EMG1: variants seen among roughly 807,000 people sequenced by gnomAD.
The protein encoded by EMG1 is ribosomal RNA small subunit methyltransferase NEP1.
Under a neutral mutation model 26.9 loss-of-function variants are expected in EMG1, and 24 were observed. That is an observed-to-expected ratio of 0.89 (90% confidence interval 0.65 to 1.26). EMG1 has a LOEUF of 1.26. EMG1 is among the 50% of genes most tolerant of loss of function. The pLI, the probability that EMG1 is intolerant of heterozygous loss-of-function variation, is 0.00. For synonymous variants in EMG1, 140 were observed against 112.6 expected, an observed-to-expected ratio of 1.24 and a Z score of -1.54; for missense variants, 299 against 307.6, an observed-to-expected ratio of 0.97 and a Z score of 0.21.
At chr12:6,985,310 G>A (rs1216000078) in intron 6 of EMG1, among the ~76,000 whole-genome samples, 1 of 149,796 alleles carries the variant, frequency 6.7e-6, no homozygotes, top group African/African-American at 2.5e-5. Context: ...GCAGGAGAAT[G>A]GCATGAACAC....
At chr12:6,981,041 C>T, downstream of EMG1, 1 of 1,610,082 alleles carries the variant, frequency 6.2e-7, no homozygotes, top group Non-Finnish European at 8.5e-7. Context: ...ATCAGCTCTC[C>T]CTGCACCAGC....
rs1946438459 is a variant in EMG1, at chr12:6,978,833, T to G, written c.*3024T>G. On this transcript the variant is annotated 3_prime_UTR_variant, in exon 6 of 6. Coordinates refer to ENST00000599672, the MANE Select transcript of EMG1 (RefSeq NM_006331.8). ...GATGCCCTCAATAGTCTGGCCTGAT[T>G]GCCTTCACAATAGGCAGAGAGGAAT... 3 of 1,167,288 alleles carry G rather than the reference T, an allele frequency of 2.6e-6. No homozygotes were observed. The highest frequency in any genetic ancestry group is 3.1e-5 in the African/African-American group (2 of 64,192). 72.3% of individuals were successfully genotyped at this position (1,167,288 alleles called of 1,614,324 possible). A position where few individuals can be genotyped will look rare whatever the true frequency, so the allele number is the denominator to read the frequency against.
Position 6,973,765 on chromosome 12 carries a change from A to G in EMG1, c.169-574A>G, listed in dbSNP as rs782006544. Among the ~76,000 whole-genome samples, 169 of 150,802 alleles carry G rather than the reference A, an allele frequency of 1.1e-3. 3 individuals are homozygous for G. In the South Asian group the frequency reaches 0.029, roughly 26 times the overall value. ...CACCGTGTTAGCCACGATGGTCTCA[A>G]TCTCCTGACCTTGTGATCTGCCCGC... On this transcript the variant is annotated intron_variant, in intron 1 of 5. Coordinates refer to ENST00000599672, the MANE Select transcript of EMG1 (RefSeq NM_006331.8).
chr12:6,972,846 G>C (rs781916831), intron 1 of EMG1, among the ~76,000 whole-genome samples: 10 of 151,714 alleles, frequency 6.6e-5, no homozygotes, highest in African/African-American at 2.4e-4. Flanking sequence ...TTTCTTTTTT[G>C]TTTCTTTTTT....
Position 6,979,215 on chromosome 12 carries a change from G to A in EMG1, c.*3406G>A, listed in dbSNP as rs1946443738. On this transcript the variant is annotated 3_prime_UTR_variant, in exon 6 of 6. Transcript: ENST00000599672. ...GGGTCACGTGGATGTGATAAGGCAA[G>A]CTAGGAGCGGCTCCTAGAGAAGGCA... The A allele has an allele frequency of 9.5e-6, 5 of 527,742 alleles. No homozygotes were observed. The highest frequency in any genetic ancestry group is 5.0e-4 in the Middle Eastern group (1 of 1,996). 32.7% of individuals were successfully genotyped at this position (527,742 alleles called of 1,614,324 possible).
In EMG1 at chr12:6,975,339, T is replaced by C. The variant is rs1555152979; in HGVS notation, c.582T>C (p.Asp194=). ...TGCGTGAGCTGGTGCCCAGCAGTGA[T>C]CCTATTGTTTTTGTGGTAGGGGCCT... The part of the protein sequence containing the change: ...SDVRELVPSS[D]PIVFVVGAFA... Residue 194 remains aspartate, a synonymous_variant, in exon 5 of 6, where the codon GAT becomes GAC. Coordinates refer to ENST00000599672, the MANE Select transcript of EMG1 (RefSeq NM_006331.8). 6.2e-7 allele frequency: 1 copy of C among 1,606,918 alleles called. No individual in the cohort carries two copies. Among genetic ancestry groups the C allele is most frequent in the Non-Finnish European group, 8.5e-7 (1 of 1,176,232 alleles).
chr12:6,977,505 C>T lies in EMG1; in HGVS notation c.*1696C>T, dbSNP rs1946420060. 1 of 1,614,054 alleles carries T rather than the reference C, an allele frequency of 6.2e-7. No homozygotes were observed. Among genetic ancestry groups the T allele is most frequent in the Non-Finnish European group, 8.5e-7 (1 of 1,180,040 alleles). On this transcript the variant is annotated 3_prime_UTR_variant, in exon 6 of 6. Coordinates refer to ENST00000599672, the MANE Select transcript of EMG1 (RefSeq NM_006331.8). This position sits in a 1 kb window ranked among gnomAD's most constrained non-coding sequence, Gnocchi z 4.5. Reference sequence around the variant, plus strand: ...CGGCCAGCTTGCTCAGGGTGGGGCTCTCTTGAATGAGCCTGGCAGCCTGGG... The same window carrying T: ...CGGCCAGCTTGCTCAGGGTGGGGCTTTCTTGAATGAGCCTGGCAGCCTGGG...
downstream of EMG1, among the ~76,000 whole-genome samples, chr12:6,991,563 A>G (rs185864705): frequency 3.3e-5 from 5 of 152,352 alleles, no homozygotes; most frequent in African/African-American, 1.2e-4. Flanking sequence ...AAAGTGGTCA[A>G]GCTCATGGGA....
chr12:6,987,312 G>C lies in EMG1; in HGVS notation c.*155-470G>C, dbSNP rs1264157804. ...TTCTGTTTATGAAGCACGTAATTGG[G>C]TAGGAGGTGGCATGTGATGGTTCGT... On this transcript the variant is annotated intron_variant and NMD_transcript_variant, in intron 6 of 7. Transcript: ENST00000261406. The surrounding 1 kb of genome is among the most constrained non-coding windows in gnomAD (Gnocchi z 4.1). 1.3e-5 allele frequency among the ~76,000 whole-genome samples: 2 copies of C among 152,158 alleles called. No homozygotes were observed. The highest frequency in any genetic ancestry group is 2.9e-5 in the Non-Finnish European group (2 of 68,036).
chr12:6,981,926 A>T (rs1365458879), downstream of EMG1: 1 of 1,231,330 alleles, frequency 8.1e-7, no homozygotes, highest in Non-Finnish European at 1.2e-6. Flanking sequence ...AGAAGTATTT[A>T]TTCTAGCATC....
At position 6,977,231 on chromosome 12, in the gene EMG1, A is replaced by G. The variant is rs921327898; in HGVS notation, c.*1422A>G. Reference sequence around the variant, plus strand: ...TATGAATAGTAGGCTCAGGAAGAAGATGTGGCCAAGGAAATAGATGGATTT... The same window carrying G: ...TATGAATAGTAGGCTCAGGAAGAAGGTGTGGCCAAGGAAATAGATGGATTT... On this transcript the variant is annotated 3_prime_UTR_variant, in exon 6 of 6. Coordinates refer to ENST00000599672, the MANE Select transcript of EMG1 (RefSeq NM_006331.8). This position sits in a 1 kb window ranked among gnomAD's most constrained non-coding sequence, Gnocchi z 4.5. The G allele has an allele frequency of 6.2e-7, 1 of 1,614,066 alleles. No individual in the cohort carries two copies. Among genetic ancestry groups the G allele is most frequent in the East Asian group, 2.2e-5 (1 of 44,888 alleles).
downstream of EMG1, among the ~76,000 whole-genome samples, chr12:6,992,337 CA>C (rs1319251469): frequency 1.3e-5 from 2 of 149,990 alleles, no homozygotes; most frequent in Admixed American, 6.7e-5. Context: ...AAAAAAAAAA[CA>C]AAAAAAATTT....
intron 1 of EMG1, among the ~76,000 whole-genome samples, chr12:6,971,462 G>T (rs1457937187): frequency 6.6e-6 from 1 of 152,036 alleles, no homozygotes; most frequent in Non-Finnish European, 1.5e-5. Flanking sequence ...TTTTAGTTCA[G>T]ATGGGGTTTC....
downstream of EMG1, among the ~76,000 whole-genome samples, chr12:6,984,450 C>G (rs1410231562): frequency 6.6e-6 from 1 of 152,246 alleles, no homozygotes; most frequent in Non-Finnish European, 1.5e-5. Flanking sequence ...CCATGCCTGG[C>G]AACATCCCCA....
Position 6,970,972 on chromosome 12 carries a change from G to A in EMG1, c.49G>A (p.Glu17Lys). ...CAAGCCTCGTGAACGAAGCGGTGGG[G>A]AGCAGGCACAGGACTGGGATGCTCT... ...GFKPRERSGGEQAQDWDALPP... is the reference protein window; with the variant it reads ...GFKPRERSGGKQAQDWDALPP... Residue 17 changes from glutamate (E) to lysine (K), a missense_variant, in exon 1 of 6, where the codon GAG (glutamate) becomes AAG (lysine). Coordinates refer to ENST00000599672, the MANE Select transcript of EMG1 (RefSeq NM_006331.8). 7 of 1,612,962 alleles carry A rather than the reference G, an allele frequency of 4.3e-6. No homozygotes were observed. Among genetic ancestry groups the A allele is most frequent in the South Asian group, 1.1e-5 (1 of 90,816 alleles).
chr12:6,979,787 G>A lies in EMG1; in HGVS notation c.*3978G>A, dbSNP rs1426887212. 8.6e-6 allele frequency: 5 copies of A among 581,074 alleles called. No homozygotes were observed. Among genetic ancestry groups the A allele is most frequent in the Non-Finnish European group, 1.5e-5 (5 of 325,156 alleles). 36.0% of individuals were successfully genotyped at this position (581,074 alleles called of 1,614,324 possible). On this transcript the variant is annotated 3_prime_UTR_variant, in exon 6 of 6. Transcript: ENST00000599672. Reference sequence around the variant, plus strand: ...AATGGGGACTGCAAACCTCTTAAGAGTTGTAGGAAAGTCAGGGCAGCAGAC... The same window carrying A: ...AATGGGGACTGCAAACCTCTTAAGAATTGTAGGAAAGTCAGGGCAGCAGAC...
At chr12:6,973,054 G>A (rs1348081227) in intron 1 of EMG1, among the ~76,000 whole-genome samples, 3 of 150,298 alleles carry the variant, frequency 2.0e-5, no homozygotes, top group Admixed American at 6.6e-5. Flanking sequence ...TGCCCAGGCC[G>A]GTCTCAAATT....
Position 6,978,654 on chromosome 12 carries a change from C to G in EMG1, c.*2845C>G, listed in dbSNP as rs1946436479. On this transcript the variant is annotated 3_prime_UTR_variant, in exon 6 of 6. Coordinates refer to ENST00000599672, the MANE Select transcript of EMG1 (RefSeq NM_006331.8). ...TGTACAGCACAAACTTGCCCCAGATCAGCATGTACATGCAGCGGAACCAGA... is the reference window on the plus strand; with the variant it reads ...TGTACAGCACAAACTTGCCCCAGATGAGCATGTACATGCAGCGGAACCAGA... 1 of 1,614,210 alleles carries G rather than the reference C, an allele frequency of 6.2e-7. No homozygotes were observed. Among genetic ancestry groups the G allele is most frequent in the Non-Finnish European group, 8.5e-7 (1 of 1,180,036 alleles).
At chr12:6,974,992 AG>A in intron 3 of EMG1, 97 bp from the exon 4 acceptor site, 1 of 1,220,634 alleles carries the variant, frequency 8.2e-7, no homozygotes, top group Admixed American at 1.8e-5. Context: ...TAAAGCACAC[AG>A]GGAACTCATC....
Sources: allele counts gnomAD v4.1 joint callset (sites outside exome capture counted in the v4.1 genomes callset), GRCh38; gene constraint gnomAD v4.1.1; non-coding constraint Gnocchi (gnomAD v3.1); transcripts MANE v1.5; gene names NCBI Gene and HGNC (gene_info 2026-07-23, HGNC 2026-07-21).